CELF4: variants seen among roughly 807,000 people sequenced by gnomAD.
CELF4 encodes the protein CUGBP Elav-like family member 4.
CELF4 carries 18 observed loss-of-function variants against 59.9 expected under a neutral mutation model. The observed-to-expected ratio is 0.30, with a 90% CI of 0.21 to 0.45. The LOEUF is 0.45. CELF4 is among the 20% of genes least tolerant of loss of function. CELF4 has a pLI of 1.00. For synonymous variants in CELF4, 261 were observed against 267.1 expected (o/e 0.98, Z 0.22); for missense variants, 456 against 689.0 (o/e 0.66, Z 3.79).
intron 2 of CELF4, among the ~76,000 whole-genome samples, chr18:37,437,343 G>T (rs2099696057): frequency 6.6e-6 from 1 of 152,248 alleles, no homozygotes; most frequent in South Asian, 2.1e-4. Context: ...CTGGTGCCAA[G>T]GTCCTAGTGT....
At chr18:37,307,948 G>A (rs1259846518) in intron 3 of CELF4, among the ~76,000 whole-genome samples, 1 of 152,202 alleles carries the variant, frequency 6.6e-6, no homozygotes, top group Non-Finnish European at 1.5e-5. Flanking sequence ...AAGGGTCAGA[G>A]ATGACTTTCT....
At chr18:37,273,458 G>C in intron 6 of CELF4, 6 of 1,108,876 alleles carry the variant, frequency 5.4e-6, no homozygotes, top group South Asian at 7.8e-5. Flanking sequence ...TCAGCCCTGT[G>C]TACAGCCTGT....
chr18:37,258,168 C>T (rs2071368977), intron 11 of CELF4, among the ~76,000 whole-genome samples: 1 of 152,168 alleles, frequency 6.6e-6, no homozygotes, highest in Non-Finnish European at 1.5e-5. Context: ...CCATCTAACA[C>T]CATGCCCTGA....
intron 2 of CELF4, among the ~76,000 whole-genome samples, chr18:37,472,997 C>A: frequency 6.6e-6 from 1 of 152,136 alleles, no homozygotes; most frequent in Admixed American, 6.5e-5. Context: ...ACCCCCGAAC[C>A]CTGCGACTCA....
At chr18:37,367,448 G>A (rs529352716) in intron 2 of CELF4, among the ~76,000 whole-genome samples, 71 of 152,038 alleles carry the variant, frequency 4.7e-4, no homozygotes, top group African/African-American at 1.6e-3. Context: ...CTGAGCTGGG[G>A]CAGGGGTGGG....
chr18:37,328,652 A>G (rs2097419671), intron 2 of CELF4, among the ~76,000 whole-genome samples: 1 of 152,202 alleles, frequency 6.6e-6, no homozygotes, highest in African/African-American at 2.4e-5. Context: ...TTGCCCACCT[A>G]CTTGTGGACG....
At chr18:37,467,049 T>C (rs1413514199) in intron 2 of CELF4, among the ~76,000 whole-genome samples, 1 of 152,090 alleles carries the variant, frequency 6.6e-6, no homozygotes, top group African/African-American at 2.4e-5. Flanking sequence ...GATCACAAGA[T>C]GAGTGACTGA....
At chr18:37,381,125 T>C (rs548465516) in intron 2 of CELF4, among the ~76,000 whole-genome samples, 127 of 151,182 alleles carry the variant, frequency 8.4e-4, no homozygotes, top group African/African-American at 2.6e-3. Context: ...CATCCATCCA[T>C]CCATCCATCC....
chr18:37,554,725 A>T (rs1373974840), intron 1 of CELF4, among the ~76,000 whole-genome samples: 1 of 152,130 alleles, frequency 6.6e-6, no homozygotes, highest in Non-Finnish European at 1.5e-5. Flanking sequence ...GCGCCCAGAC[A>T]CGGGGGTTCT....
intron 10 of CELF4, among the ~76,000 whole-genome samples, chr18:37,263,249 T>A (rs978080052): frequency 1.3e-5 from 2 of 152,142 alleles, no homozygotes; most frequent in African/African-American, 4.8e-5. Context: ...CCAAAAGGGT[T>A]TTCTCTGAAG....
chr18:37,533,588 T>C (rs971343772), intron 1 of CELF4, among the ~76,000 whole-genome samples: 22 of 152,230 alleles, frequency 1.4e-4, no homozygotes, highest in Non-Finnish European at 5.9e-5. Flanking sequence ...CTTTTATTTC[T>C]AAAAGGATCC....
intron 2 of CELF4, among the ~76,000 whole-genome samples, chr18:37,351,692 C>A (rs1332288265): frequency 1.3e-5 from 2 of 150,464 alleles, no homozygotes; most frequent in African/African-American, 2.5e-5. Flanking sequence ...CTCACTGCAG[C>A]CTCCACCTCC....
chr18:37,255,434 C>T (rs1245503880), intron 11 of CELF4, among the ~76,000 whole-genome samples: 4 of 151,570 alleles, frequency 2.6e-5, no homozygotes, highest in East Asian at 1.9e-4. Context: ...GCCGAACAAG[C>T]GCAACAATTG....
chr18:37,341,759 A>T (rs557289777), intron 2 of CELF4, among the ~76,000 whole-genome samples: 1 of 152,236 alleles, frequency 6.6e-6, no homozygotes, highest in Admixed American at 6.5e-5. Context: ...GGAGTGTATG[A>T]TGACAAAAGG....
chr18:37,436,650 G>A (rs550514825), intron 2 of CELF4, among the ~76,000 whole-genome samples: 1 of 152,278 alleles, frequency 6.6e-6, no homozygotes, highest in Admixed American at 6.5e-5. Context: ...TCACTTCCTA[G>A]GCTGCCTGCT....
intron 1 of CELF4, among the ~76,000 whole-genome samples, chr18:37,514,010 G>A (rs919355691): frequency 6.6e-6 from 1 of 151,514 alleles, no homozygotes; most frequent in African/African-American, 2.4e-5. Flanking sequence ...GTGTGGGATG[G>A]TGACTTCTGA....
intron 2 of CELF4, among the ~76,000 whole-genome samples, chr18:37,399,359 T>C (rs1476010016): frequency 6.6e-6 from 1 of 152,120 alleles, no homozygotes; most frequent in East Asian, 1.9e-4. Context: ...TGCACTTGTG[T>C]CCCCTTCTGT....
At chr18:37,476,734 C>G (rs545634279) in intron 2 of CELF4, among the ~76,000 whole-genome samples, 1 of 152,310 alleles carries the variant, frequency 6.6e-6, no homozygotes, top group African/African-American at 2.4e-5. Context: ...CTCACACAGA[C>G]ATTCTGTTTC....
At chr18:37,323,262 C>T (rs1259651013) in intron 2 of CELF4, among the ~76,000 whole-genome samples, 6 of 136,842 alleles carry the variant, frequency 4.4e-5, no homozygotes, top group East Asian at 4.3e-4. Flanking sequence ...GGGGAGGATG[C>T]CAGGGCCAGC....
Sources: allele counts gnomAD v4.1 joint callset (sites outside exome capture counted in the v4.1 genomes callset), GRCh38; gene constraint gnomAD v4.1.1; transcripts MANE v1.5; gene names NCBI Gene and HGNC (gene_info 2026-07-23, HGNC 2026-07-21).